The following TBL1XR1 variants were observed in gnomAD, a reference collection of about 807,000 sequenced individuals.
TBL1XR1 encodes TBL1X/Y related 1, also known as F-box-like/WD repeat-containing protein TBL1XR1.
Under a neutral mutation model 66.9 loss-of-function variants are expected in TBL1XR1, and 5 were observed. The observed-to-expected ratio is 0.07, with a 90% CI of 0.04 to 0.16. The LOEUF is 0.16. TBL1XR1 is among the 10% of genes least tolerant of loss of function. TBL1XR1 has a pLI of 1.00. For missense variants in TBL1XR1, 238 were observed against 623.2 expected (o/e 0.38, Z 6.58); for synonymous variants, 210 against 206.0 (o/e 1.02, Z -0.17).
chr3:177,105,096 T>G (rs1042039418), intron 1 of TBL1XR1, among the ~76,000 whole-genome samples: 4 of 152,228 alleles, frequency 2.6e-5, no homozygotes, highest in African/African-American at 9.6e-5. Context: ...AGAAAAAGCT[T>G]ACACTCCAAA....
intron 2 of TBL1XR1, among the ~76,000 whole-genome samples, chr3:177,082,728 A>AT (rs1721555620): frequency 7.6e-6 from 1 of 132,304 alleles, no homozygotes; most frequent in Non-Finnish European, 1.6e-5. Flanking sequence ...CTAAATTTCT[A>AT]AGATAGAGAT....
At chr3:177,055,529 C>T (rs968831316) in intron 3 of TBL1XR1, among the ~76,000 whole-genome samples, 1 of 121,458 alleles carries the variant, frequency 8.2e-6, no homozygotes, top group African/African-American at 3.3e-5. Flanking sequence ...TCTGGGCTCA[C>T]AGAGATACCA....
chr3:177,024,766 C>A lies in TBL1XR1; in HGVS notation c.*732G>T, dbSNP rs78093177. ...AAAACAAAACCAACAGAGCATAATA[C>A]CCTTTTACTGATGTGTCTTACAGAT... On this transcript the variant is annotated 3_prime_UTR_variant, in exon 16 of 16. Transcript: ENST00000457928. The A allele has an allele frequency of 8.0e-3, 1,181 of 147,070 alleles. 8 individuals are homozygous for A. Among genetic ancestry groups the A allele is most frequent in the Non-Finnish European group, 0.013 (893 of 66,856 alleles). 9.1% of individuals were successfully genotyped at this position (147,070 alleles called of 1,614,324 possible).
chr3:177,103,721 T>A (rs1451547887), intron 1 of TBL1XR1, among the ~76,000 whole-genome samples: 1 of 152,210 alleles, frequency 6.6e-6, no homozygotes, highest in Admixed American at 6.5e-5. Flanking sequence ...TTATTTAAGG[T>A]AGCAACACAC....
intron 1 of TBL1XR1, among the ~76,000 whole-genome samples, chr3:177,180,235 CAAAAAAAAA>C (rs34198735): frequency 1.4e-5 from 1 of 72,228 alleles, no homozygotes; most frequent in Non-Finnish European, 2.5e-5. Flanking sequence ...GACTCCGTCT[CAAAAAAAAA>C]AAAAAAAAAA....
intron 1 of TBL1XR1, among the ~76,000 whole-genome samples, chr3:177,192,211 C>A (rs1257937896): frequency 6.6e-6 from 1 of 151,652 alleles, no homozygotes; most frequent in Non-Finnish European, 1.5e-5. Flanking sequence ...CATGGTGAAA[C>A]CCCGTCTCTA....
At chr3:177,159,887 T>C (rs1731967314) in intron 1 of TBL1XR1, among the ~76,000 whole-genome samples, 1 of 152,200 alleles carries the variant, frequency 6.6e-6, no homozygotes. Context: ...ATTTAGGATG[T>C]CTATTTGTTT....
chr3:177,039,636 C>T (rs975442073), intron 10 of TBL1XR1, among the ~76,000 whole-genome samples: 9 of 152,102 alleles, frequency 5.9e-5, no homozygotes, highest in African/African-American at 2.2e-4. Context: ...AAAAGATCTC[C>T]GTAATTAGCA....
At chr3:177,196,447 A>G (rs1736858452) in intron 1 of TBL1XR1, 1 of 150,522 alleles carries the variant, frequency 6.6e-6, no homozygotes, top group South Asian at 2.1e-4. Flanking sequence ...TTACAAATAA[A>G]CACGTCCCGG....
At chr3:177,070,529 G>C (rs1330638130) in intron 2 of TBL1XR1, among the ~76,000 whole-genome samples, 1 of 152,150 alleles carries the variant, frequency 6.6e-6, no homozygotes, top group African/African-American at 2.4e-5. Flanking sequence ...TGTCAGTCTG[G>C]CAAAGAATTA....
intron 1 of TBL1XR1, among the ~76,000 whole-genome samples, chr3:177,153,390 A>T (rs573580565): frequency 2.0e-5 from 3 of 152,324 alleles, no homozygotes; most frequent in Non-Finnish European, 4.4e-5. Flanking sequence ...GTAAATACGC[A>T]TGCACATATA....
At chr3:177,183,364 CCT>C (rs1344816440) in intron 1 of TBL1XR1, among the ~76,000 whole-genome samples, 2 of 151,924 alleles carry the variant, frequency 1.3e-5, no homozygotes, top group African/African-American at 4.8e-5. Flanking sequence ...GTATACATAC[CCT>C]GTGTTGTGCC....
intron 2 of TBL1XR1, among the ~76,000 whole-genome samples, chr3:177,090,928 G>A (rs1017178380): frequency 1.6e-4 from 24 of 152,312 alleles, no homozygotes; most frequent in Admixed American, 1.6e-3. Context: ...GGTCGGGGCT[G>A]CAGTGAATCA....
In TBL1XR1 at chr3:177,025,433, G is replaced by A; in HGVS notation, c.*65C>T. The A allele has an allele frequency of 6.4e-7, 1 of 1,563,512 alleles. No homozygotes were observed. The highest frequency in any genetic ancestry group is 2.2e-5 in the East Asian group (1 of 44,622). Reference sequence around the variant, plus strand: ...CAAGTGGGACTATAGCAGTACATGGGTCAGGGACAGTCATTTTGGCTATGT... The same window carrying A: ...CAAGTGGGACTATAGCAGTACATGGATCAGGGACAGTCATTTTGGCTATGT... On this transcript the variant is annotated 3_prime_UTR_variant, in exon 16 of 16. Transcript: ENST00000457928.
At chr3:177,088,716 A>AC (rs1174796279) in intron 2 of TBL1XR1, among the ~76,000 whole-genome samples, 1 of 143,844 alleles carries the variant, frequency 7.0e-6, no homozygotes, top group Admixed American at 7.1e-5. Flanking sequence ...TGTTTAAAAA[A>AC]AAAAAAAAGA....
chr3:177,116,369 TGTAA>T (rs1428782584), intron 1 of TBL1XR1, among the ~76,000 whole-genome samples: 5 of 152,174 alleles, frequency 3.3e-5, no homozygotes, highest in South Asian at 2.1e-4. Context: ...CCTCATTTCC[TGTAA>T]GTAAGCACTA....
chr3:177,111,443 G>A (rs1725553136), intron 1 of TBL1XR1, among the ~76,000 whole-genome samples: 1 of 151,838 alleles, frequency 6.6e-6, no homozygotes, highest in African/African-American at 2.4e-5. Flanking sequence ...AGGCTAATTT[G>A]GGTATTTTTA....
intron 10 of TBL1XR1, 124 bp from the exon 11 acceptor site, chr3:177,038,558 CTTT>C (rs751464903): frequency 4.1e-5 from 38 of 921,044 alleles, no homozygotes; most frequent in Non-Finnish European, 4.6e-5. Flanking sequence ...TTACTTTATA[CTTT>C]TTAAGATATT....
rs371887204 is a variant in TBL1XR1 at position 177,181,081 on chromosome 3, G to A, written c.-122+16040C>T. On this transcript the variant is annotated intron_variant, in intron 1 of 15. Coordinates refer to ENST00000457928, the MANE Select transcript of TBL1XR1 (RefSeq NM_024665.7). ...TTTTCATCAGTGAGCTAGAAGTAGA[G>A]GATGTTGCCTCAGCTCACTCTGACA... is the stretch of plus-strand genomic sequence containing the variant. Among the ~76,000 whole-genome samples the A allele has an allele frequency of 9.2e-5, 14 of 152,200 alleles. No individual in the cohort carries two copies. The East Asian group carries it at 2.7e-3, about 29-fold the overall frequency.
Sources: allele counts gnomAD v4.1 joint callset (sites outside exome capture counted in the v4.1 genomes callset), GRCh38; gene constraint gnomAD v4.1.1; transcripts MANE v1.5; gene names NCBI Gene and HGNC (gene_info 2026-07-23, HGNC 2026-07-21).